DCDC2: variants seen among roughly 807,000 people sequenced by gnomAD.
The protein encoded by DCDC2 is doublecortin domain-containing protein 2.
A neutral mutation model predicts 50.2 loss-of-function variants in DCDC2; 40 were observed. The observed-to-expected ratio is 0.80, with a 90% CI of 0.62 to 1.04. DCDC2 has a LOEUF of 1.04. Among genes scored for constraint, DCDC2 ranks in the 50% least tolerant of loss-of-function variants. The probability of loss-of-function intolerance (pLI) is 0.00; values close to 1 mark genes in which losing one functional copy is unlikely to be tolerated. For synonymous variants in DCDC2, 234 were observed against 210.6 expected (o/e 1.11, Z -0.96); for missense variants, 570 against 581.9 (o/e 0.98, Z 0.21).
At chr6:24,227,337 C>T (rs1762252056) in intron 7 of DCDC2, among the ~76,000 whole-genome samples, 1 of 152,132 alleles carries the variant, frequency 6.6e-6, no homozygotes, top group Non-Finnish European at 1.5e-5. Context: ...CCACTGGGCC[C>T]TTCTATGTGG....
the DCDC2 span, among the ~76,000 whole-genome samples, chr6:24,364,157 C>A: frequency 2.0e-5 from 3 of 152,108 alleles, no homozygotes; most frequent in South Asian, 6.2e-4. Context: ...AATGTCAGTT[C>A]CCCAGGAAAT....
intron 7 of DCDC2, among the ~76,000 whole-genome samples, chr6:24,257,586 A>C (rs2113803455): frequency 6.6e-6 from 1 of 152,288 alleles, no homozygotes. Flanking sequence ...AAAGAGAATA[A>C]AGTTATGGGT....
chr6:24,330,810 G>T (rs1759952159), intron 2 of DCDC2, among the ~76,000 whole-genome samples: 1 of 152,138 alleles, frequency 6.6e-6, no homozygotes, highest in African/African-American at 2.4e-5. Context: ...GTAGGCTGTG[G>T]TTTAATCATA....
At chr6:24,322,090 A>G (rs1238394306) in intron 2 of DCDC2, among the ~76,000 whole-genome samples, 1 of 152,046 alleles carries the variant, frequency 6.6e-6, no homozygotes, top group Non-Finnish European at 1.5e-5. Flanking sequence ...TTCTTTCTCT[A>G]CTACCTTTTG....
intron 7 of DCDC2, among the ~76,000 whole-genome samples, chr6:24,251,987 G>T (rs1477162876): frequency 1.3e-5 from 2 of 152,094 alleles, no homozygotes; most frequent in African/African-American, 4.8e-5. Flanking sequence ...TGGCATTTAA[G>T]GCTCCTTATG....
intron 8 of DCDC2, among the ~76,000 whole-genome samples, chr6:24,204,084 C>T (rs1318539760): frequency 1.3e-5 from 2 of 152,094 alleles, no homozygotes; most frequent in East Asian, 3.9e-4. Flanking sequence ...TGTGGCGATA[C>T]CTCAAGGATC....
chr6:24,381,857 AGG>A, the DCDC2 span, among the ~76,000 whole-genome samples: 3 of 137,604 alleles, frequency 2.2e-5, no homozygotes, highest in Admixed American at 7.1e-5. Flanking sequence ...GAAGGAAGGA[AGG>A]AGAAATAAAA....
At chr6:24,239,915 G>T (rs1425915573) in intron 7 of DCDC2, among the ~76,000 whole-genome samples, 1 of 151,964 alleles carries the variant, frequency 6.6e-6, no homozygotes, top group Non-Finnish European at 1.5e-5. Flanking sequence ...AAATCACTTG[G>T]AAGAAAACAT....
chr6:24,212,386 T>C (rs1042052554), intron 7 of DCDC2, among the ~76,000 whole-genome samples: 1 of 152,130 alleles, frequency 6.6e-6, no homozygotes, highest in Non-Finnish European at 1.5e-5. Flanking sequence ...AAAAAGACAG[T>C]GGTCAGAAAA....
chr6:24,207,212 A>G (rs1761732116), intron 7 of DCDC2, among the ~76,000 whole-genome samples: 2 of 151,346 alleles, frequency 1.3e-5, no homozygotes, highest in African/African-American at 4.9e-5. Flanking sequence ...GCCATCACTA[A>G]TATTTTGACA....
chr6:24,205,428 C>A, intron 7 of DCDC2: 2 of 1,145,872 alleles, frequency 1.7e-6, no homozygotes, highest in Non-Finnish European at 2.4e-6. Flanking sequence ...AGTATCATCC[C>A]AGTTCTCCCC....
At chr6:24,379,563 G>C in the DCDC2 span, among the ~76,000 whole-genome samples, 55,609 of 152,048 alleles carry the variant, frequency 0.37, 10,665 homozygotes, top group African/African-American at 0.47. Flanking sequence ...AGGATGTGGA[G>C]AAATAGGAAT....
the DCDC2 span, among the ~76,000 whole-genome samples, chr6:24,374,577 CAAAAAA>C: frequency 9.4e-4 from 54 of 57,468 alleles, no homozygotes; most frequent in African/African-American, 3.0e-3. Context: ...AGACTCCATC[CAAAAAA>C]AAAAAAAAAA....
chr6:24,345,404 A>C (rs189083864), intron 2 of DCDC2, among the ~76,000 whole-genome samples: 21 of 152,296 alleles, frequency 1.4e-4, no homozygotes, highest in Admixed American at 1.2e-3. Context: ...AACTGACCTG[A>C]AGTACAACCC....
intron 2 of DCDC2, among the ~76,000 whole-genome samples, chr6:24,341,838 G>A (rs950585611): frequency 3.3e-5 from 5 of 152,148 alleles, no homozygotes; most frequent in South Asian, 2.1e-4. Flanking sequence ...TCCAAGAAAA[G>A]TCCAAAGATT....
chr6:24,274,533 T>A (rs1240912213), intron 7 of DCDC2, among the ~76,000 whole-genome samples: 1 of 146,856 alleles, frequency 6.8e-6, no homozygotes, highest in Non-Finnish European at 1.5e-5. Flanking sequence ...AAATGAGATT[T>A]GTTTCCCTGA....
At chr6:24,277,403 G>C (rs1763385119) in intron 7 of DCDC2, among the ~76,000 whole-genome samples, 1 of 152,134 alleles carries the variant, frequency 6.6e-6, no homozygotes, top group Non-Finnish European at 1.5e-5. Context: ...AAAACCAAAA[G>C]TCGCCCCTCT....
At chr6:24,351,910 C>T (rs1428538130) in intron 2 of DCDC2, among the ~76,000 whole-genome samples, 1 of 152,120 alleles carries the variant, frequency 6.6e-6, no homozygotes, top group Non-Finnish European at 1.5e-5. Context: ...TCAAGACCAG[C>T]CTGACCAACA....
rs1014838053 is a variant in DCDC2 at position 24,256,277 on chromosome 6, T to G, written c.922+21772A>C. On this transcript the variant is annotated intron_variant, in intron 7 of 9. Transcript: ENST00000378454. ...AGGGGCTTCTCAGATGCTGGACATT[T>G]TTTTTTTTTTTTTTATCTGACTGTT... 6.1e-3 allele frequency among the ~76,000 whole-genome samples: 910 copies of G among 150,176 alleles called. 7 individuals are homozygous for G. Among genetic ancestry groups the G allele is most frequent in the African/African-American group, 0.018 (730 of 40,968 alleles).
Sources: gnomAD v4.1 joint callset for allele counts (sites outside exome capture counted in the v4.1 genomes callset) on GRCh38, gnomAD v4.1.1 for gene constraint, MANE v1.5 for transcripts, NCBI Gene and HGNC (gene_info 2026-07-23, HGNC 2026-07-21) for gene names.